GRAMD1B: variants seen among roughly 807,000 people sequenced by gnomAD.
GRAMD1B encodes the protein protein Aster-B.
In GRAMD1B, 37 loss-of-function variants were observed where a neutral mutation model predicts 99.7. The observed-to-expected ratio is 0.37, with a 90% CI of 0.29 to 0.49. The LOEUF (loss-of-function observed/expected upper bound fraction) is 0.49. Ranked by LOEUF, GRAMD1B falls within the 20% of genes least tolerant of loss-of-function variation. GRAMD1B has a pLI of 0.98. For synonymous variants in GRAMD1B, 427 were observed against 387.6 expected (o/e 1.10, Z -1.19); for missense variants, 888 against 1,009.2 (o/e 0.88, Z 1.63).
At position 123,401,372 on chromosome 11, in the gene GRAMD1B, C is replaced by T. The variant is rs565118987; in HGVS notation, c.-176+42573C>T. Among the ~76,000 whole-genome samples the T allele has an allele frequency of 3.2e-4, 49 of 152,350 alleles. 1 individual carries two copies. The South Asian group carries it at 4.6e-3, about 14-fold the overall frequency. On this transcript the variant is annotated intron_variant, in intron 1 of 20. Coordinates refer to the GRAMD1B transcript ENST00000638157. Reference sequence around the variant, plus strand: ...CCCAGGTGTCACAGCCTGTTGCGTCCGCTCTGGACCTCATCCCCACAGTCA... The same window carrying T: ...CCCAGGTGTCACAGCCTGTTGCGTCTGCTCTGGACCTCATCCCCACAGTCA...
At chr11:123,562,473 C>T (rs976112451) in intron 2 of GRAMD1B, among the ~76,000 whole-genome samples, 3 of 152,222 alleles carry the variant, frequency 2.0e-5, no homozygotes, top group African/African-American at 7.2e-5. Flanking sequence ...TAGAAGCAGT[C>T]GTGGACAATT....
chr11:123,378,467 A>G (rs1349150654), intron 1 of GRAMD1B, among the ~76,000 whole-genome samples: 1 of 152,190 alleles, frequency 6.6e-6, no homozygotes, highest in Admixed American at 6.5e-5. Context: ...ATGATTTGCA[A>G]AACTTCTCTC....
At chr11:123,475,194 G>A (rs984684015) in intron 1 of GRAMD1B, among the ~76,000 whole-genome samples, 5 of 152,136 alleles carry the variant, frequency 3.3e-5, no homozygotes, top group Admixed American at 3.3e-4. Context: ...GGAGATCACT[G>A]GAATCATGAG....
intron 1 of GRAMD1B, among the ~76,000 whole-genome samples, chr11:123,421,249 C>G (rs1460955234): frequency 6.6e-6 from 1 of 152,172 alleles, no homozygotes; most frequent in African/African-American, 2.4e-5. Context: ...GGGATTAGTT[C>G]TAGTGAGGTA....
At chr11:123,490,468 A>G (rs1182607596) in intron 2 of GRAMD1B, among the ~76,000 whole-genome samples, 2 of 152,242 alleles carry the variant, frequency 1.3e-5, no homozygotes, top group African/African-American at 4.8e-5. Flanking sequence ...AGATTTGCTT[A>G]TGAAAAAATT....
chr11:123,374,070 T>C (rs1332267327), intron 1 of GRAMD1B, among the ~76,000 whole-genome samples: 1 of 152,204 alleles, frequency 6.6e-6, no homozygotes, highest in Admixed American at 6.5e-5. Flanking sequence ...AATATATCAA[T>C]GGTACCTATG....
chr11:123,398,826 G>A (rs1591432692), intron 1 of GRAMD1B, among the ~76,000 whole-genome samples: 1 of 152,162 alleles, frequency 6.6e-6, no homozygotes, highest in Middle Eastern at 3.4e-3. Flanking sequence ...ATGAGTTTAG[G>A]AATAAGTATA....
At chr11:123,450,008 T>C (rs1949814900) in intron 1 of GRAMD1B, among the ~76,000 whole-genome samples, 13 of 152,110 alleles carry the variant, frequency 8.5e-5, no homozygotes, top group African/African-American at 3.1e-4. Context: ...CAGGCATGAG[T>C]CACCACACCT....
rs140995296 is a variant in GRAMD1B, at chr11:123,411,813, A to G, written c.-176+53014A>G. Among the ~76,000 whole-genome samples the G allele has an allele frequency of 6.5e-3, 994 of 152,022 alleles. 16 individuals carry two copies. The highest frequency in any genetic ancestry group is 0.023 in the African/African-American group (955 of 41,470). On this transcript the variant is annotated intron_variant, in intron 1 of 20. Transcript: ENST00000638157. Reference sequence around the variant, plus strand: ...CAGGTGTGCACCACCATGCTTGGGTAATTTTTGTATTTTTTTGGTAGAGAT... The same window carrying G: ...CAGGTGTGCACCACCATGCTTGGGTGATTTTTGTATTTTTTTGGTAGAGAT...
rs59870444 is a variant in GRAMD1B, at chr11:123,399,608, GTATT to G, written c.-176+40827_-176+40830del. ...CTTACCATACCAACACTTACCTTTT[GTATT>G]TATTTATTTATTTATTTGATGTAGT... On this transcript the variant is annotated intron_variant, in intron 1 of 20. Transcript: ENST00000638157. 2.0e-5 allele frequency among the ~76,000 whole-genome samples: 3 copies of G among 150,926 alleles called. No homozygotes were observed. The South Asian group carries it at 6.3e-4, about 32-fold the overall frequency.
At chr11:123,429,650 G>A (rs911764341), upstream of GRAMD1B, among the ~76,000 whole-genome samples, 2 of 152,098 alleles carry the variant, frequency 1.3e-5, no homozygotes, top group African/African-American at 2.4e-5. This position sits in a 1 kb window ranked among gnomAD's most constrained non-coding sequence, Gnocchi z 4.0. Context: ...TCATGTACAG[G>A]GTTCAGGCCC....
At chr11:123,417,012 T>C (rs1004029756) in intron 1 of GRAMD1B, among the ~76,000 whole-genome samples, 12 of 152,218 alleles carry the variant, frequency 7.9e-5, no homozygotes, top group Admixed American at 2.6e-4. Context: ...AATTCACTTA[T>C]GGGAGACGAA....
At position 123,543,934 on chromosome 11, in the gene GRAMD1B, G is replaced by A. The variant is rs544053260; in HGVS notation, c.453-33433G>A. Among the ~76,000 whole-genome samples the A allele has an allele frequency of 2.6e-5, 4 of 152,302 alleles. No homozygotes were observed. In the South Asian group the frequency reaches 8.3e-4, roughly 32 times the overall value. ...GACTGTGTGGTCTGCAAAGCTTAAA[G>A]TATTTACTGTCCGGCCCTTTGCAGA... On this transcript the variant is annotated intron_variant, in intron 2 of 19. Transcript: ENST00000635736.
At chr11:123,491,205 G>A (rs896825072) in intron 2 of GRAMD1B, among the ~76,000 whole-genome samples, 1 of 152,134 alleles carries the variant, frequency 6.6e-6, no homozygotes, top group African/African-American at 2.4e-5. Context: ...GGTGGTGCAC[G>A]TCATGCTAGA....
chr11:123,473,670 A>AC (rs1951124357), intron 1 of GRAMD1B, among the ~76,000 whole-genome samples: 1 of 152,186 alleles, frequency 6.6e-6, no homozygotes, highest in Non-Finnish European at 1.5e-5. Context: ...CAGGGATTCT[A>AC]CCCACCTTGC....
chr11:123,597,407 A>C (rs1290804347), intron 7 of GRAMD1B, among the ~76,000 whole-genome samples: 2 of 151,694 alleles, frequency 1.3e-5, no homozygotes, highest in Admixed American at 1.3e-4. Context: ...TCCTTTCTTT[A>C]TGGAACTATA....
chr11:123,393,458 G>A (rs1006444070), intron 1 of GRAMD1B, among the ~76,000 whole-genome samples: 3 of 152,192 alleles, frequency 2.0e-5, no homozygotes, highest in South Asian at 4.1e-4. Context: ...TGCTTAGATG[G>A]CAACCGTGGC....
intron 1 of GRAMD1B, among the ~76,000 whole-genome samples, chr11:123,433,492 G>A (rs1949001450): frequency 6.6e-6 from 1 of 152,168 alleles, no homozygotes; most frequent in Non-Finnish European, 1.5e-5. Flanking sequence ...ATATACTGAG[G>A]ACAAAATATG....
At chr11:123,589,071 G>A (rs1950355975) in intron 4 of GRAMD1B, among the ~76,000 whole-genome samples, 3 of 151,690 alleles carry the variant, frequency 2.0e-5, no homozygotes, top group Non-Finnish European at 4.4e-5. Flanking sequence ...ACCTTTGTTT[G>A]TGACCGGAAT....
Sources: allele counts gnomAD v4.1 joint callset (sites outside exome capture counted in the v4.1 genomes callset), GRCh38; gene constraint gnomAD v4.1.1; non-coding constraint Gnocchi (gnomAD v3.1); transcripts MANE v1.5; gene names NCBI Gene and HGNC (gene_info 2026-07-23, HGNC 2026-07-21).